Variants in AGMO observed in about 807,000 individuals in gnomAD.
AGMO encodes the protein alkylglycerol monooxygenase.
Under a neutral mutation model 60.2 loss-of-function variants are expected in AGMO, and 75 were observed. That is an observed-to-expected ratio of 1.25 (90% CI 1.03 to 1.51). The LOEUF is 1.51. Ranked by LOEUF, AGMO falls within the 40% of genes most tolerant of loss-of-function variation. AGMO has a pLI of 0.00. For synonymous variants in AGMO, 261 were observed against 177.1 expected (o/e 1.47, Z -3.76); for missense variants, 763 against 525.5 (o/e 1.45, Z -4.42).
chr7:15,548,722 A>T (rs1027885916), intron 2 of AGMO, among the ~76,000 whole-genome samples: 15 of 152,218 alleles, frequency 9.9e-5, no homozygotes, highest in African/African-American at 3.6e-4. Context: ...GGAGAATGGA[A>T]CCAAGTTGGA....
At chr7:15,295,717 A>G (rs558295325) in intron 12 of AGMO, among the ~76,000 whole-genome samples, 1 of 152,166 alleles carries the variant, frequency 6.6e-6, no homozygotes, top group East Asian at 1.9e-4. Flanking sequence ...TATATTTATC[A>G]GAATTCTTAA....
At chr7:15,216,163 C>T (rs1781730453) in intron 12 of AGMO, among the ~76,000 whole-genome samples, 1 of 152,022 alleles carries the variant, frequency 6.6e-6, no homozygotes, top group Admixed American at 6.6e-5. Context: ...AATACAATCA[C>T]ACTCTAGTGT....
chr7:15,507,504 G>A (rs568898246), intron 3 of AGMO, among the ~76,000 whole-genome samples: 107 of 152,166 alleles, frequency 7.0e-4, no homozygotes, highest in African/African-American at 2.5e-3. Flanking sequence ...CTAGATAGCT[G>A]GATGTGGGTG....
chr7:15,470,588 T>C (rs944808518), intron 3 of AGMO, among the ~76,000 whole-genome samples: 1 of 152,028 alleles, frequency 6.6e-6, no homozygotes, highest in Non-Finnish European at 1.5e-5. Context: ...TATTGACTTA[T>C]GTTATCTAAG....
At chr7:15,263,377 C>T (rs555443506) in intron 12 of AGMO, among the ~76,000 whole-genome samples, 4 of 150,462 alleles carry the variant, frequency 2.7e-5, no homozygotes, top group South Asian at 2.1e-4. Flanking sequence ...AACCACAATG[C>T]GATAACACCT....
intron 12 of AGMO, among the ~76,000 whole-genome samples, chr7:15,236,284 C>G (rs1170984471): frequency 6.6e-6 from 1 of 151,946 alleles, no homozygotes; most frequent in Non-Finnish European, 1.5e-5. Context: ...TAGTAAGATA[C>G]CATTTTATAG....
chr7:15,561,646 C>T, intron 1 of AGMO, 74 bp downstream of exon 1: 1 of 1,377,336 alleles, frequency 7.3e-7, no homozygotes. Flanking sequence ...TGAACAAAAC[C>T]CTAAGGAGAT....
the AGMO span, among the ~76,000 whole-genome samples, chr7:15,127,078 C>T: frequency 1.3e-5 from 2 of 152,002 alleles, no homozygotes; most frequent in African/African-American, 4.8e-5. Context: ...TTGAGTTGTC[C>T]CATCTTTCTG....
chr7:15,556,710 C>A (rs889328902), intron 2 of AGMO, among the ~76,000 whole-genome samples: 1 of 151,988 alleles, frequency 6.6e-6, no homozygotes, highest in Non-Finnish European at 1.5e-5. Flanking sequence ...GTTTTAGATA[C>A]GTTTGCTTAA....
the AGMO span, among the ~76,000 whole-genome samples, chr7:15,159,614 T>C: frequency 6.6e-6 from 1 of 152,180 alleles, no homozygotes; most frequent in African/African-American, 2.4e-5. Flanking sequence ...TGAAAGAATC[T>C]GTACCAACAT....
intron 12 of AGMO, among the ~76,000 whole-genome samples, chr7:15,211,557 A>G (rs1338643319): frequency 1.3e-5 from 2 of 151,516 alleles, no homozygotes; most frequent in Non-Finnish European, 2.9e-5. Context: ...ATGGTGTTCC[A>G]TGTTTTTTTT....
At chr7:15,245,326 C>A (rs780507478) in intron 12 of AGMO, among the ~76,000 whole-genome samples, 1 of 152,130 alleles carries the variant, frequency 6.6e-6, no homozygotes, top group Non-Finnish European at 1.5e-5. Flanking sequence ...GAATAATATA[C>A]CTCTCTTTCC....
At chr7:15,314,108 G>C (rs1338520099) in intron 12 of AGMO, among the ~76,000 whole-genome samples, 1 of 152,012 alleles carries the variant, frequency 6.6e-6, no homozygotes, top group Non-Finnish European at 1.5e-5. Context: ...AGATAATGTT[G>C]ATGACTGATG....
In AGMO at chr7:15,392,155, T is replaced by C. The variant is rs185959280; in HGVS notation, c.677-1250A>G. Among the ~76,000 whole-genome samples the C allele has an allele frequency of 2.5e-3, 378 of 152,074 alleles. 1 individual carries two copies. Among genetic ancestry groups the C allele is most frequent in the African/African-American group, 8.4e-3 (350 of 41,528 alleles). ...CGCCATCTCGGCTCACTGCAAGCTC[T>C]GCCTCCCGGGTTCACGCCATTCTCC... is the stretch of plus-strand genomic sequence containing the variant. On this transcript the variant is annotated intron_variant, in intron 6 of 12. Coordinates refer to ENST00000342526, the MANE Select transcript of AGMO (RefSeq NM_001004320.2).
intron 12 of AGMO, among the ~76,000 whole-genome samples, chr7:15,322,530 A>G (rs1248209155): frequency 3.4e-4 from 30 of 87,222 alleles, no homozygotes; most frequent in South Asian, 2.1e-3. Flanking sequence ...ATATATAAAT[A>G]TATAAATATA....
chr7:15,154,700 T>C, the AGMO span, among the ~76,000 whole-genome samples: 2 of 152,164 alleles, frequency 1.3e-5, no homozygotes, highest in African/African-American at 4.8e-5. Context: ...ATAGTGTCGG[T>C]GAGCTATGTA....
chr7:15,282,456 T>G (rs910555656), intron 12 of AGMO, among the ~76,000 whole-genome samples: 1 of 152,124 alleles, frequency 6.6e-6, no homozygotes, highest in South Asian at 2.1e-4. Flanking sequence ...GACAACAGAC[T>G]AGACCAAGTA....
At chr7:15,285,379 C>T (rs756645418) in intron 12 of AGMO, among the ~76,000 whole-genome samples, 62 of 152,046 alleles carry the variant, frequency 4.1e-4, no homozygotes, top group Non-Finnish European at 6.6e-4. Flanking sequence ...AGTAAACTCT[C>T]AGGTTACAAA....
At chr7:15,288,185 G>A (rs1018666889) in intron 12 of AGMO, among the ~76,000 whole-genome samples, 4 of 151,898 alleles carry the variant, frequency 2.6e-5, no homozygotes, top group South Asian at 2.1e-4. Context: ...CACCACGCCC[G>A]GCTAATTTTT....
Sources: gnomAD v4.1 joint callset for allele counts (sites outside exome capture counted in the v4.1 genomes callset) on GRCh38, gnomAD v4.1.1 for gene constraint, MANE v1.5 for transcripts, NCBI Gene and HGNC (gene_info 2026-07-23, HGNC 2026-07-21) for gene names.